Variants in LPCAT3 observed in about 807,000 individuals in gnomAD.
The protein encoded by LPCAT3 is lysophospholipid acyltransferase 5.
LPCAT3 carries 21 observed loss-of-function variants against 63.4 expected under a neutral mutation model. That is an observed-to-expected ratio of 0.33 (90% CI 0.23 to 0.48). The LOEUF (loss-of-function observed/expected upper bound fraction) is 0.48, where lower values mean the gene tolerates loss of function less well. Among genes scored for constraint, LPCAT3 ranks in the 20% least tolerant of loss-of-function variants. The pLI, the probability that LPCAT3 is intolerant of heterozygous loss-of-function variation, is 0.99. For missense variants in LPCAT3, 451 were observed against 590.6 expected (o/e 0.76, Z 2.45); for synonymous variants, 242 against 227.5 (o/e 1.06, Z -0.58).
At chr12:6,996,734 A>G (rs973194645) in intron 1 of LPCAT3, among the ~76,000 whole-genome samples, 26 of 152,228 alleles carry the variant, frequency 1.7e-4, no homozygotes, top group Non-Finnish European at 3.7e-4. Flanking sequence ...AAATCAAACA[A>G]TGATGTTCTA....
At chr12:6,980,724 T>G in intron 6 of LPCAT3, 1 of 247,496 alleles carries the variant, frequency 4.0e-6, no homozygotes, top group Non-Finnish European at 7.6e-6. Flanking sequence ...CATATATACA[T>G]GAAAATAGGC....
In LPCAT3 at chr12:6,981,817, G is replaced by T. The variant is rs782645465; in HGVS notation, c.454C>A (p.Leu152Met). ...TMPHCVLTLK[L>M]IGLAVDYFDG... ...GGCAGTGACCATCACTCACCAATCAGCTTCAAAGTCAGAACACAATGTGGC... is the reference window on the plus strand; with the variant it reads ...GGCAGTGACCATCACTCACCAATCATCTTCAAAGTCAGAACACAATGTGGC... Residue 152 changes from leucine to methionine, a missense_variant, in exon 4 of 13, where the codon CTG (leucine) becomes ATG (methionine). Physicochemically the swap from Leu to Met is conservative, Grantham distance 15. This residue lies in a region of LPCAT3 where 14 missense variants were observed against 47.8 expected (regional missense o/e 0.29). Transcript: ENST00000261407. The T allele has an allele frequency of 6.2e-7, 1 of 1,612,632 alleles. No individual in the cohort carries two copies. The highest frequency in any genetic ancestry group is 8.5e-7 in the Non-Finnish European group (1 of 1,178,634).
chr12:6,986,168 A>G (rs1357108289), intron 1 of LPCAT3, among the ~76,000 whole-genome samples: 5 of 151,998 alleles, frequency 3.3e-5, no homozygotes, highest in Non-Finnish European at 7.4e-5. Context: ...TGATCAACAC[A>G]ATTTTGAACA....
chr12:6,994,565 C>T (rs1946620367), intron 1 of LPCAT3, among the ~76,000 whole-genome samples: 1 of 152,160 alleles, frequency 6.6e-6, no homozygotes, highest in African/African-American at 2.4e-5. Context: ...TTTCTAGGTT[C>T]AAGTGATCCT....
chr12:6,987,647 C>G lies in LPCAT3; in HGVS notation c.152-4108G>C, dbSNP rs1946542306. 1 of 394,422 alleles carries G rather than the reference C, an allele frequency of 2.5e-6. No individual in the cohort carries two copies. Among genetic ancestry groups the G allele is most frequent in the Non-Finnish European group, 4.5e-6 (1 of 224,170 alleles). The allele number at this position is 394,422 out of a possible 1,614,324, so 24.4% of individuals were successfully genotyped here. A position where few individuals can be genotyped will look rare whatever the true frequency, so the allele number is the denominator to read the frequency against. On this transcript the variant is annotated intron_variant, in intron 1 of 12. Transcript: ENST00000261407. This position sits in a 1 kb window ranked among gnomAD's most constrained non-coding sequence, Gnocchi z 4.1. ...ACAGTAGATAATTATCTAGAGCACT[C>G]ATAAATAAGTTCTAGGTAGCTAAGT... is the stretch of plus-strand genomic sequence containing the variant.
rs1946416181 is a variant in LPCAT3 at position 6,977,319 on chromosome 12, G to T, written c.1347+48C>A. 1 of 1,611,310 alleles carries T rather than the reference G, an allele frequency of 6.2e-7. No homozygotes were observed. Among genetic ancestry groups the T allele is most frequent in the African/African-American group, 1.3e-5 (1 of 74,872 alleles). ...GCCTGGAGTGTCCTTTGCAACCTTT[G>T]AGGTTGCAGTGAGTCCCTCCCAGTC... On this transcript the variant is annotated intron_variant, in intron 11 of 12. Coordinates refer to ENST00000261407, the MANE Select transcript of LPCAT3 (RefSeq NM_005768.6). The surrounding 1 kb of genome is among the most constrained non-coding windows in gnomAD (Gnocchi z 4.5).
At chr12:6,998,293 G>C (rs958940885) in intron 1 of LPCAT3, among the ~76,000 whole-genome samples, 13 of 152,230 alleles carry the variant, frequency 8.5e-5, no homozygotes, top group African/African-American at 3.1e-4. Flanking sequence ...TGGCATTACA[G>C]GTGTGAGCTA....
At chr12:7,003,579 T>C (rs1946704744) in intron 1 of LPCAT3, among the ~76,000 whole-genome samples, 1 of 152,178 alleles carries the variant, frequency 6.6e-6, no homozygotes, top group Admixed American at 6.5e-5. Flanking sequence ...AAGCCATTTT[T>C]CCCACTTCTG....
Position 6,978,654 on chromosome 12 carries a change from C to G in LPCAT3, c.822G>C (p.Leu274=), listed in dbSNP as rs1946436479. The change falls in exon 8 of 13, where the codon CTG becomes CTC. Residue 274 remains leucine, a synonymous_variant. Coordinates refer to ENST00000261407, the MANE Select transcript of LPCAT3 (RefSeq NM_005768.6). ...HPFWFRCMYM[L]IWGKFVLYKY... ...TGTACAGCACAAACTTGCCCCAGATCAGCATGTACATGCAGCGGAACCAGA... is the reference window on the plus strand; with the variant it reads ...TGTACAGCACAAACTTGCCCCAGATGAGCATGTACATGCAGCGGAACCAGA... 1 of 1,614,210 alleles carries G rather than the reference C, an allele frequency of 6.2e-7. No homozygotes were observed. Among genetic ancestry groups the G allele is most frequent in the Non-Finnish European group, 8.5e-7 (1 of 1,180,036 alleles).
rs1295988013 is a variant in LPCAT3 at position 6,983,503 on chromosome 12, A to G, written c.188T>C (p.Phe63Ser). The G allele has an allele frequency of 2.5e-6, 4 of 1,612,566 alleles. No homozygotes were observed. The highest frequency in any genetic ancestry group is 3.4e-6 in the Non-Finnish European group (4 of 1,178,750). Reference protein sequence around the residue: ...PFALFYRHYLFYKETYLIHLF... With the variant: ...PFALFYRHYLSYKETYLIHLF... Reference sequence around the variant, plus strand: ...GTGGATGAGGTAGGTCTCCTTGTAGAAAAGGTAATGCCGATAAAACAAAGC... The same window carrying G: ...GTGGATGAGGTAGGTCTCCTTGTAGGAAAGGTAATGCCGATAAAACAAAGC... Residue 63 changes from phenylalanine (F) to serine (S), a missense_variant, in exon 2 of 13, where the codon TTC becomes TCC. Phe to Ser is a radical substitution (Grantham distance 155). Around this residue, in one of 3 missense-constraint regions of LPCAT3, gnomAD observed 133 missense variants for 152.1 expected, o/e 0.87. Coordinates refer to ENST00000261407, the MANE Select transcript of LPCAT3 (RefSeq NM_005768.6).
rs185137267 is a variant in LPCAT3, at chr12:7,014,865, T to C, written c.151+3409A>G. Among the ~76,000 whole-genome samples, 198 of 137,004 alleles carry C rather than the reference T, an allele frequency of 1.4e-3. 1 individual carries two copies. The highest frequency in any genetic ancestry group is 3.0e-4 in the Non-Finnish European group (20 of 65,726). The allele number at this position is 137,004 out of a possible 152,430, so 89.9% of individuals were successfully genotyped here. ...CCGACATCGAGCCACTGCACTCCAG[T>C]GTGGGTGACAGAGCGAGACTCCGTC... On this transcript the variant is annotated intron_variant, in intron 1 of 12. Coordinates refer to ENST00000261407, the MANE Select transcript of LPCAT3 (RefSeq NM_005768.6).
At chr12:6,979,814 G>A (rs997760396) in intron 6 of LPCAT3, 3 of 552,254 alleles carry the variant, frequency 5.4e-6, no homozygotes, top group Admixed American at 3.2e-5. Flanking sequence ...GCAGCAGACA[G>A]TGGACCAGTC....
intron 1 of LPCAT3, among the ~76,000 whole-genome samples, chr12:7,011,979 A>AT (rs1189859298): frequency 6.6e-6 from 1 of 152,076 alleles, no homozygotes; most frequent in African/African-American, 2.4e-5. Context: ...TGAATAATGG[A>AT]TTTTTTTCTG....
intron 1 of LPCAT3, among the ~76,000 whole-genome samples, chr12:7,002,723 T>G (rs1277254226): frequency 3.3e-5 from 5 of 152,182 alleles, no homozygotes; most frequent in African/African-American, 1.2e-4. Flanking sequence ...TATAAAATAT[T>G]TTTCTGGCCG....
intron 1 of LPCAT3, among the ~76,000 whole-genome samples, chr12:6,991,125 A>C (rs1200798467): frequency 6.6e-6 from 1 of 152,202 alleles, no homozygotes; most frequent in Admixed American, 6.5e-5. Context: ...TCATAAATTT[A>C]TGGCCTCTGT....
In LPCAT3 at chr12:6,977,688, C is replaced by T. The variant is rs140765444; in HGVS notation, c.1098G>A (p.Ser366=). 6.8e-5 allele frequency: 110 copies of T among 1,614,200 alleles called. No individual in the cohort carries two copies. The African/African-American group carries it at 9.9e-4, about 14-fold the overall frequency. ...CGTGCCAGAGGGCCAGGAATAGCAA[C>T]GAGAGACCCTGAGAGAGTTCTTTAT... ...LGNKELSQGL[S]LLFLALWHGL... The change falls in exon 10 of 13, where the codon TCG becomes TCA. Residue 366 remains serine, a synonymous_variant. Transcript: ENST00000261407. The surrounding 1 kb of genome is among the most constrained non-coding windows in gnomAD (Gnocchi z 4.5).
Position 6,986,214 on chromosome 12 carries a change from A to G in LPCAT3, c.152-2675T>C, listed in dbSNP as rs991356389. On this transcript the variant is annotated intron_variant, in intron 1 of 12. Transcript: ENST00000261407. ...CCTTAGACTTCCCTCTGCCTCTGCCACTGCTGAGATGGCAACCCTTTCTCT... is the reference window on the plus strand; with the variant it reads ...CCTTAGACTTCCCTCTGCCTCTGCCGCTGCTGAGATGGCAACCCTTTCTCT... 2.3e-3 allele frequency among the ~76,000 whole-genome samples: 351 copies of G among 152,266 alleles called. 3 individuals carry two copies. Among genetic ancestry groups the G allele is most frequent in the African/African-American group, 7.9e-3 (329 of 41,548 alleles).
chr12:7,012,694 C>T (rs1272468614), intron 1 of LPCAT3, among the ~76,000 whole-genome samples: 7 of 152,276 alleles, frequency 4.6e-5, no homozygotes, highest in African/African-American at 1.7e-4. Context: ...TTTAGCCCAG[C>T]TTCTTTCCTG....
At chr12:6,985,089 TAAA>T (rs10559240) in intron 1 of LPCAT3, among the ~76,000 whole-genome samples, 102 of 112,572 alleles carry the variant, frequency 9.1e-4, no homozygotes, top group African/African-American at 1.1e-3. Flanking sequence ...CCCCATACAT[TAAA>T]AAAAAAAAAA....
Sources: allele counts gnomAD v4.1 joint callset (sites outside exome capture counted in the v4.1 genomes callset), GRCh38; gene constraint gnomAD v4.1.1; regional missense constraint gnomAD v4.1.1; non-coding constraint Gnocchi (gnomAD v3.1); transcripts MANE v1.5; gene names NCBI Gene and HGNC (gene_info 2026-07-23, HGNC 2026-07-21).